The following RGS6 variants were observed in gnomAD, a reference collection of about 807,000 sequenced individuals.
RGS6 encodes regulator of G protein signaling 6, also known as regulator of G-protein signaling 6.
In RGS6, 30 loss-of-function variants were observed where a neutral mutation model predicts 78.5. The ratio of observed to expected loss-of-function variants is 0.38; its 90% CI spans 0.29 to 0.52. The LOEUF (loss-of-function observed/expected upper bound fraction) is 0.52, where lower values mean the gene tolerates loss of function less well. Among genes scored for constraint, RGS6 ranks in the 20% least tolerant of loss-of-function variants. The pLI is 0.85. For synonymous variants in RGS6, 206 were observed against 206.0 expected (o/e 1.00, Z 0.00); for missense variants, 495 against 609.7 (o/e 0.81, Z 1.98).
At position 72,082,283 on chromosome 14, in the gene RGS6, G is replaced by A. The variant is rs190262918; in HGVS notation, c.84+117408G>A. ...ATATTCTTCTAATTTGTGAATATGG[G>A]ATATCTTTTCATTTCTTGTATCTTC... On this transcript the variant is annotated intron_variant, in intron 2 of 17. Transcript: ENST00000553525. Among the ~76,000 whole-genome samples, 54 of 152,140 alleles carry A rather than the reference G, an allele frequency of 3.5e-4. 2 individuals carry two copies. Among genetic ancestry groups the A allele is most frequent in the African/African-American group, 1.2e-3 (49 of 41,530 alleles).
At chr14:72,070,373 A>T (rs1016713277) in intron 2 of RGS6, among the ~76,000 whole-genome samples, 3 of 151,820 alleles carry the variant, frequency 2.0e-5, no homozygotes, top group Non-Finnish European at 2.9e-5. Flanking sequence ...GGGTTTTGGG[A>T]CTCTAAGAGC....
chr14:72,212,915 C>T (rs370178182), intron 2 of RGS6, among the ~76,000 whole-genome samples: 1 of 152,156 alleles, frequency 6.6e-6, no homozygotes, highest in Non-Finnish European at 1.5e-5. Context: ...GGAAAGGGAA[C>T]GTTTCAAAGT....
At chr14:72,226,767 A>G (rs1259755125) in intron 2 of RGS6, among the ~76,000 whole-genome samples, 3 of 152,192 alleles carry the variant, frequency 2.0e-5, no homozygotes, top group Admixed American at 6.5e-5. Context: ...CAGTGGCGCA[A>G]TCTTGGCTCA....
At chr14:72,151,532 A>G (rs975617684) in intron 2 of RGS6, among the ~76,000 whole-genome samples, 3 of 152,178 alleles carry the variant, frequency 2.0e-5, no homozygotes, top group South Asian at 2.1e-4. Flanking sequence ...GCATGGGGGA[A>G]AAAAGCTAGA....
chr14:71,872,417 G>A, the RGS6 span, among the ~76,000 whole-genome samples: 3 of 152,126 alleles, frequency 2.0e-5, no homozygotes, highest in African/African-American at 7.2e-5. Context: ...TTAACGCAGT[G>A]CTGTCTTTTC....
chr14:72,505,402 T>C (rs1367601386), intron 13 of RGS6, among the ~76,000 whole-genome samples: 1 of 152,142 alleles, frequency 6.6e-6, no homozygotes, highest in Non-Finnish European at 1.5e-5. Flanking sequence ...GAAAGGGAGC[T>C]CTCTCTGGTC....
chr14:72,494,042 T>G (rs946298954), intron 12 of RGS6, among the ~76,000 whole-genome samples: 2 of 152,212 alleles, frequency 1.3e-5, no homozygotes, highest in African/African-American at 4.8e-5. Flanking sequence ...CCATCAAGTC[T>G]ATAGAGCAAA....
chr14:72,011,159 TG>T (rs2085614091), intron 2 of RGS6, among the ~76,000 whole-genome samples: 1 of 152,236 alleles, frequency 6.6e-6, no homozygotes, highest in African/African-American at 2.4e-5. Context: ...CAGATGACCT[TG>T]GTTATGAGTT....
intron 2 of RGS6, among the ~76,000 whole-genome samples, chr14:72,023,658 G>A (rs780844748): frequency 3.9e-5 from 6 of 152,210 alleles, no homozygotes; most frequent in Non-Finnish European, 7.3e-5. Flanking sequence ...TTTGAGTCAT[G>A]AGGAAACAGC....
At chr14:72,372,390 A>G (rs1479689024) in intron 3 of RGS6, among the ~76,000 whole-genome samples, 1 of 152,296 alleles carries the variant, frequency 6.6e-6, no homozygotes, top group African/African-American at 2.4e-5. Flanking sequence ...CTATGACACC[A>G]TTTTCTAGAT....
intron 3 of RGS6, among the ~76,000 whole-genome samples, chr14:72,387,650 A>G (rs182031837): frequency 7.9e-5 from 12 of 152,302 alleles, no homozygotes; most frequent in Non-Finnish European, 1.0e-4. Context: ...ATGTATACCT[A>G]TATACGTATG....
the RGS6 span, among the ~76,000 whole-genome samples, chr14:71,926,619 A>G: frequency 1.6e-4 from 24 of 150,396 alleles, no homozygotes; most frequent in Middle Eastern, 6.9e-3. Context: ...ATCAATGAAG[A>G]GTTGGAAAAT....
rs557860507 is a variant in RGS6, at chr14:72,566,314, G to A, written c.*3847G>A. ...CGATGAGGGCTCAGAGCCAGCTGCT[G>A]TCAGCTGTCTGGGGAGGGAAGGCCC... On this transcript the variant is annotated 3_prime_UTR_variant, in exon 18 of 18. Transcript: ENST00000553525. The A allele has an allele frequency of 6.6e-6, 1 of 152,360 alleles. No individual in the cohort carries two copies. Among genetic ancestry groups the A allele is most frequent in the Non-Finnish European group, 1.5e-5 (1 of 68,090 alleles). The allele number at this position is 152,360 out of a possible 1,614,324, so 9.4% of individuals were successfully genotyped here.
chr14:72,618,637 C>A, the RGS6 span, among the ~76,000 whole-genome samples: 1 of 152,154 alleles, frequency 6.6e-6, no homozygotes, highest in Non-Finnish European at 1.5e-5. Flanking sequence ...TGTCTCTGCG[C>A]GTCTCCCTCC....
chr14:72,223,253 C>T (rs2047308638), intron 2 of RGS6, among the ~76,000 whole-genome samples: 1 of 152,218 alleles, frequency 6.6e-6, no homozygotes. Flanking sequence ...AACAACCTCA[C>T]AAACCTGGCC....
At chr14:72,104,590 G>A (rs766103260) in intron 2 of RGS6, among the ~76,000 whole-genome samples, 2 of 152,180 alleles carry the variant, frequency 1.3e-5, no homozygotes, top group African/African-American at 4.8e-5. Flanking sequence ...CAGACGCAAA[G>A]CCACCGTGGC....
At chr14:72,572,342 A>T in the RGS6 span, among the ~76,000 whole-genome samples, 7 of 152,352 alleles carry the variant, frequency 4.6e-5, no homozygotes, top group South Asian at 8.3e-4. Context: ...AAATTTGAAC[A>T]CAAGTGTTCA....
intron 2 of RGS6, among the ~76,000 whole-genome samples, chr14:72,090,579 G>A (rs907304194): frequency 1.3e-5 from 2 of 152,138 alleles, no homozygotes; most frequent in Non-Finnish European, 2.9e-5. Flanking sequence ...ATCCCAAAAT[G>A]GTCTCTCCCG....
intron 2 of RGS6, among the ~76,000 whole-genome samples, chr14:72,178,363 C>G (rs2097133032): frequency 6.6e-6 from 1 of 152,190 alleles, no homozygotes; most frequent in African/African-American, 2.4e-5. Flanking sequence ...ACCCCTTTCC[C>G]CCTCAGACAG....
Sources: allele counts gnomAD v4.1 joint callset (sites outside exome capture counted in the v4.1 genomes callset), GRCh38; gene constraint gnomAD v4.1.1; transcripts MANE v1.5; gene names NCBI Gene and HGNC (gene_info 2026-07-23, HGNC 2026-07-21).